The following KDM7A variants were observed in gnomAD, a reference collection of about 807,000 sequenced individuals.
KDM7A encodes lysine-specific demethylase 7A.
In KDM7A, 28 loss-of-function variants were observed where a neutral mutation model predicts 114.8. The observed-to-expected ratio is 0.24, with a 90% CI of 0.18 to 0.33. KDM7A has a LOEUF of 0.33. Among genes scored for constraint, KDM7A ranks in the 10% least tolerant of loss-of-function variants. KDM7A has a pLI of 1.00. For synonymous variants in KDM7A, 423 were observed against 397.8 expected, an observed-to-expected ratio of 1.06 and a Z score of -0.75; for missense variants, 942 against 1,142.5, an observed-to-expected ratio of 0.82 and a Z score of 2.53.
intron 1 of KDM7A, among the ~76,000 whole-genome samples, chr7:140,144,383 A>C (rs995473742): frequency 2.0e-5 from 3 of 152,320 alleles, no homozygotes; most frequent in Non-Finnish European, 4.4e-5. Context: ...GGTAAGAGCT[A>C]ACACTATAAA....
chr7:140,135,037 T>TA (rs58259207), intron 2 of KDM7A, among the ~76,000 whole-genome samples: 28,091 of 127,188 alleles, frequency 0.22, 3,399 homozygotes, highest in East Asian at 0.33. Context: ...TAAGTCCCAT[T>TA]AAAAAAAAAA....
intron 1 of KDM7A, among the ~76,000 whole-genome samples, chr7:140,150,496 T>C (rs1794387230): frequency 6.6e-6 from 1 of 152,184 alleles, no homozygotes; most frequent in Admixed American, 6.5e-5. Context: ...AGTAGGAATA[T>C]GGAAAGATCT....
chr7:140,118,497 C>T (rs906488371), intron 9 of KDM7A, among the ~76,000 whole-genome samples: 4 of 152,102 alleles, frequency 2.6e-5, no homozygotes, highest in Non-Finnish European at 1.5e-5. Flanking sequence ...TGCCTCCCGC[C>T]GGGTTCAAGC....
intron 13 of KDM7A, among the ~76,000 whole-genome samples, chr7:140,099,687 A>G (rs1478761193): frequency 6.6e-6 from 1 of 152,144 alleles, no homozygotes; most frequent in Non-Finnish European, 1.5e-5. Context: ...TGAACTACAC[A>G]TGTCCAAGAG....
At chr7:140,124,508 A>C (rs1818668145) in intron 7 of KDM7A, 113 bp downstream of exon 7, 1 of 683,888 alleles carries the variant, frequency 1.5e-6, no homozygotes, top group South Asian at 2.9e-5. Flanking sequence ...TTATTTCTTA[A>C]CAAATGTCAT....
At chr7:140,164,403 C>G (rs1794552494) in intron 1 of KDM7A, among the ~76,000 whole-genome samples, 1 of 152,140 alleles carries the variant, frequency 6.6e-6, no homozygotes, top group Non-Finnish European at 1.5e-5. Context: ...CATCCCTGCC[C>G]TCTACCTACT....
chr7:140,137,846 T>C lies in KDM7A; in HGVS notation c.280+1259A>G, dbSNP rs140817551. On this transcript the variant is annotated intron_variant, in intron 2 of 19. Coordinates refer to ENST00000397560, the MANE Select transcript of KDM7A (RefSeq NM_030647.2). The stretch of plus-strand genomic sequence containing the variant: ...AAAAAATAGAACAAAATGTCTACTC[T>C]ATTGGAAAAAAGTACTAGGAAAAAA... Among the ~76,000 whole-genome samples, 295 of 152,230 alleles carry C rather than the reference T, an allele frequency of 1.9e-3. 1 individual carries two copies. The highest frequency in any genetic ancestry group is 3.8e-3 in the Non-Finnish European group (261 of 68,020).
At chr7:140,114,932 C>G (rs551381061) in intron 9 of KDM7A, among the ~76,000 whole-genome samples, 1 of 149,340 alleles carries the variant, frequency 6.7e-6, no homozygotes, top group African/African-American at 2.5e-5. Context: ...CCCCTCCGCC[C>G]GGAAGCCGCC....
In KDM7A at chr7:140,090,348, C is replaced by T. The variant is rs1026690731; in HGVS notation, c.*746G>A. 6 of 152,030 alleles carry T rather than the reference C, an allele frequency of 3.9e-5. No individual in the cohort carries two copies. The highest frequency in any genetic ancestry group is 1.4e-4 in the African/African-American group (6 of 41,396). 9.4% of individuals were successfully genotyped at this position (152,030 alleles called of 1,614,324 possible). A position where few individuals can be genotyped will look rare whatever the true frequency, so the allele number is the denominator to read the frequency against. ...AGTGTTTCCCTGCAAAGAGAAGAGT[C>T]TTACTGGGTCATCACAAAATGATGG... On this transcript the variant is annotated 3_prime_UTR_variant, in exon 20 of 20. Coordinates refer to ENST00000397560, the MANE Select transcript of KDM7A (RefSeq NM_030647.2).
In KDM7A at chr7:140,163,025, C is replaced by T. The variant is rs1256803382; in HGVS notation, c.194+13719G>A. 4.7e-5 allele frequency among the ~76,000 whole-genome samples: 7 copies of T among 150,332 alleles called. No individual in the cohort carries two copies. In the East Asian group the frequency reaches 7.8e-4, roughly 17 times the overall value. Reference sequence around the variant, plus strand: ...TTTTTTTTTTTTTGAGACAATGTCCCGCTCTGTCACCCAGGCTGGAGTGCA... The same window carrying T: ...TTTTTTTTTTTTTGAGACAATGTCCTGCTCTGTCACCCAGGCTGGAGTGCA... On this transcript the variant is annotated intron_variant, in intron 1 of 19. Transcript: ENST00000397560.
chr7:140,161,726 A>G (rs947636530), intron 1 of KDM7A, among the ~76,000 whole-genome samples: 10 of 151,818 alleles, frequency 6.6e-5, no homozygotes, highest in African/African-American at 2.4e-4. Context: ...TTGTATTTTT[A>G]GTAGAGACGG....
intron 2 of KDM7A, among the ~76,000 whole-genome samples, chr7:140,135,869 T>C (rs146202796): frequency 6.6e-6 from 1 of 150,616 alleles, no homozygotes; most frequent in East Asian, 1.9e-4. Flanking sequence ...GCGTATTTCA[T>C]ACCCCTGGGT....
intron 17 of KDM7A, among the ~76,000 whole-genome samples, chr7:140,094,521 A>G (rs1293851808): frequency 1.3e-5 from 2 of 152,048 alleles, no homozygotes; most frequent in Non-Finnish European, 2.9e-5. Context: ...AAAAAAAAAA[A>G]GCAAGCAAAT....
At chr7:140,116,373 A>T (rs1818530139) in intron 9 of KDM7A, among the ~76,000 whole-genome samples, 1 of 152,202 alleles carries the variant, frequency 6.6e-6, no homozygotes, top group African/African-American at 2.4e-5. Flanking sequence ...TGCTGAGTAA[A>T]AGGTTACAAG....
chr7:140,168,103 A>T (rs940634003), intron 1 of KDM7A, among the ~76,000 whole-genome samples: 4 of 152,214 alleles, frequency 2.6e-5, no homozygotes, highest in Non-Finnish European at 5.9e-5. Context: ...AAACATGACA[A>T]CACATCCTGA....
chr7:140,091,099 C>T lies in KDM7A; in HGVS notation c.2821G>A (p.Val941Met). 6.2e-7 allele frequency: 1 copy of T among 1,612,056 alleles called. No individual in the cohort carries two copies. The highest frequency in any genetic ancestry group is 8.5e-7 in the Non-Finnish European group (1 of 1,178,046). ...LNRNGHARFF[V>M] ...TGGCTGCAACAGCAGCTCTGTCACA[C>T]AAAGAAACGTGCATGGCCATTTCTG... Residue 941 changes from valine (V) to methionine (M), a missense_variant, in exon 20 of 20, where the codon GTG (valine) becomes ATG (methionine). Transcript: ENST00000397560.
intron 11 of KDM7A, among the ~76,000 whole-genome samples, chr7:140,106,110 G>C (rs987475885): frequency 1.3e-5 from 2 of 152,186 alleles, no homozygotes; most frequent in African/African-American, 2.4e-5. Flanking sequence ...ATGGTAGTTT[G>C]TATTTCTGTG....
intron 1 of KDM7A, among the ~76,000 whole-genome samples, chr7:140,143,259 C>T (rs1156724356): frequency 1.3e-5 from 2 of 150,944 alleles, no homozygotes; most frequent in African/African-American, 4.9e-5. Flanking sequence ...TAGGGAAAGC[C>T]GAAGTATACT....
intron 1 of KDM7A, among the ~76,000 whole-genome samples, chr7:140,142,980 G>A (rs1415450394): frequency 2.0e-5 from 3 of 151,856 alleles, no homozygotes; most frequent in Non-Finnish European, 4.4e-5. Context: ...AGGAGATCGA[G>A]ACCACCCTGG....
Sources: allele counts gnomAD v4.1 joint callset (sites outside exome capture counted in the v4.1 genomes callset), GRCh38; gene constraint gnomAD v4.1.1; transcripts MANE v1.5; gene names NCBI Gene and HGNC (gene_info 2026-07-23, HGNC 2026-07-21).